The following CSMD3 variants were observed in gnomAD, a reference collection of about 807,000 sequenced individuals.
CSMD3 encodes the protein CUB and Sushi multiple domains 3.
CSMD3 carries 177 observed loss-of-function variants against 435.2 expected under a neutral mutation model. That is an observed-to-expected ratio of 0.41 (90% confidence interval 0.36 to 0.46). The LOEUF is 0.46. Among genes scored for constraint, CSMD3 ranks in the 20% least tolerant of loss-of-function variants. CSMD3 has a pLI of 0.34. For missense variants in CSMD3, 4,265 were observed against 4,504.6 expected (o/e 0.95, Z 1.52); for synonymous variants, 1,656 against 1,520.5 (o/e 1.09, Z -2.07).
intron 3 of CSMD3, among the ~76,000 whole-genome samples, chr8:113,201,997 C>G (rs983406093): frequency 2.6e-5 from 4 of 151,956 alleles, no homozygotes; most frequent in Non-Finnish European, 4.4e-5. Flanking sequence ...TGTTCTGTTA[C>G]TAAAACAGAG....
chr8:113,150,261 T>C (rs2091776026), intron 4 of CSMD3, among the ~76,000 whole-genome samples: 1 of 151,982 alleles, frequency 6.6e-6, no homozygotes, highest in Non-Finnish European at 1.5e-5. Context: ...GTAATTATGG[T>C]TCCTAGTCAA....
chr8:113,397,297 A>G (rs1254976517), intron 1 of CSMD3, among the ~76,000 whole-genome samples: 1 of 151,978 alleles, frequency 6.6e-6, no homozygotes, highest in Non-Finnish European at 1.5e-5. Context: ...TTATGTAAAC[A>G]TTTACGTTTC....
At chr8:112,281,081 G>T (rs1818579932) in intron 59 of CSMD3, 93 bp downstream of exon 59, 4 of 958,492 alleles carry the variant, frequency 4.2e-6, no homozygotes, top group South Asian at 2.8e-5. Flanking sequence ...AACCTTACAT[G>T]GTTTTATTAA....
At chr8:112,823,849 T>C (rs2079598375) in intron 12 of CSMD3, among the ~76,000 whole-genome samples, 1 of 152,098 alleles carries the variant, frequency 6.6e-6, no homozygotes, top group African/African-American at 2.4e-5. Context: ...ACTTGATCCA[T>C]AGATCAATTC....
chr8:112,921,839 C>A (rs1047857843), intron 9 of CSMD3, 88 bp from the exon 10 acceptor site: 1 of 975,726 alleles, frequency 1.0e-6, no homozygotes, highest in South Asian at 1.3e-5. Context: ...TCCAATAGGT[C>A]AAATATGTAC....
At chr8:112,551,953 T>C (rs902300931) in intron 26 of CSMD3, among the ~76,000 whole-genome samples, 3 of 152,132 alleles carry the variant, frequency 2.0e-5, no homozygotes, top group African/African-American at 4.8e-5. Flanking sequence ...GAGCCTGTGA[T>C]AGCTTTGGAA....
chr8:112,290,850 T>C lies in CSMD3; in HGVS notation c.8974+660A>G, dbSNP rs138848628. Among the ~76,000 whole-genome samples, 8 of 152,158 alleles carry C rather than the reference T, an allele frequency of 5.3e-5. No homozygotes were observed. The East Asian group carries it at 1.5e-3, about 29-fold the overall frequency. Reference sequence around the variant, plus strand: ...CTATCAATTGACTGAATTGCTAGAATTTATGTTCACTCCTCTATGCCTTCA... The same window carrying C: ...CTATCAATTGACTGAATTGCTAGAACTTATGTTCACTCCTCTATGCCTTCA... On this transcript the variant is annotated intron_variant, in intron 56 of 70. Transcript: ENST00000297405.
chr8:112,781,068 G>C (rs974538640), intron 13 of CSMD3, among the ~76,000 whole-genome samples: 9 of 42,532 alleles, frequency 2.1e-4, no homozygotes, highest in African/African-American at 1.2e-3. Flanking sequence ...TTGAGGAAAG[G>C]AGAGGATAGA....
intron 2 of CSMD3, among the ~76,000 whole-genome samples, chr8:113,285,461 G>A (rs1348689779): frequency 1.3e-5 from 2 of 151,938 alleles, no homozygotes; most frequent in African/African-American, 2.4e-5. Flanking sequence ...GGGTTTCACC[G>A]TGTTAGCCAG....
chr8:112,718,730 T>A (rs2076790648), intron 13 of CSMD3, among the ~76,000 whole-genome samples: 1 of 152,044 alleles, frequency 6.6e-6, no homozygotes, highest in East Asian at 1.9e-4. Flanking sequence ...TAGAAAATCA[T>A]TTCTGTTTGC....
At chr8:113,353,839 T>C (rs1275031150) in intron 1 of CSMD3, among the ~76,000 whole-genome samples, 1 of 152,164 alleles carries the variant, frequency 6.6e-6, no homozygotes, top group African/African-American at 2.4e-5. Context: ...AAAAAATCAC[T>C]GGCTGAAGTG....
intron 1 of CSMD3, among the ~76,000 whole-genome samples, chr8:113,343,206 T>G (rs1280927226): frequency 6.6e-6 from 1 of 151,724 alleles, no homozygotes; most frequent in Non-Finnish European, 1.5e-5. Context: ...TATTTAAGAG[T>G]TTTATCCATT....
chr8:112,975,943 C>T lies in CSMD3; in HGVS notation c.1236G>A (p.Lys412=), dbSNP rs2084830330. The change falls in exon 7 of 71, where the codon AAG becomes AAA. Residue 412 remains lysine, a synonymous_variant. Coordinates refer to ENST00000297405, the MANE Select transcript of CSMD3 (RefSeq NM_198123.2). The stretch of plus-strand genomic sequence containing the variant: ...CTGCTGGATGAGGAGAGAGCCCGTC[C>T]TTGGACGTGTTGGGGTCCAGACCTG... ...RNSGLDPNTS[K]DGLSPHPADT... 6.2e-7 allele frequency: 1 copy of T among 1,614,044 alleles called. No homozygotes were observed. Among genetic ancestry groups the T allele is most frequent in the South Asian group, 1.1e-5 (1 of 91,086 alleles).
intron 35 of CSMD3, among the ~76,000 whole-genome samples, chr8:112,392,082 A>C (rs2129752781): frequency 6.6e-6 from 1 of 152,290 alleles, no homozygotes; most frequent in South Asian, 2.1e-4. Flanking sequence ...AATGTACATA[A>C]GAAACAAGCA....
chr8:112,301,595 T>A (rs1820925147), intron 53 of CSMD3, among the ~76,000 whole-genome samples, 198 bp downstream of exon 53: 1 of 152,170 alleles, frequency 6.6e-6, no homozygotes, highest in African/African-American at 2.4e-5. Context: ...TCCTTAGATT[T>A]CACTAGGAAT....
At chr8:112,459,733 T>C (rs1586395970) in intron 32 of CSMD3, among the ~76,000 whole-genome samples, 1 of 152,158 alleles carries the variant, frequency 6.6e-6, no homozygotes, top group Non-Finnish European at 1.5e-5. Flanking sequence ...ATTTGTTGAA[T>C]TGATTTAACA....
chr8:112,957,363 T>G (rs1303702472), intron 7 of CSMD3, among the ~76,000 whole-genome samples: 1 of 152,202 alleles, frequency 6.6e-6, no homozygotes. Context: ...TTAAGGAAAA[T>G]GTTTACACAG....
At chr8:112,806,889 T>G (rs2079101233) in intron 12 of CSMD3, among the ~76,000 whole-genome samples, 1 of 152,212 alleles carries the variant, frequency 6.6e-6, no homozygotes, top group African/African-American at 2.4e-5. Context: ...GCCGTTTGTT[T>G]AAATAATTCC....
rs1312309723 is a variant in CSMD3 at position 112,380,283 on chromosome 8, A to G, written c.6136+69T>C. ...AAGTTGCTATAATATGTACATATCA[A>G]CAAAAATATTTTTAATTAATATAAA... On this transcript the variant is annotated intron_variant, in intron 38 of 70. Transcript: ENST00000297405. 8.1e-6 allele frequency: 7 copies of G among 867,460 alleles called. No individual in the cohort carries two copies. The South Asian group carries it at 1.0e-4, about 12-fold the overall frequency. The allele number at this position is 867,460 out of a possible 1,614,324, so 53.7% of individuals were successfully genotyped here. A position where few individuals can be genotyped will look rare whatever the true frequency, so the allele number is the denominator to read the frequency against.
Sources: allele counts gnomAD v4.1 joint callset (sites outside exome capture counted in the v4.1 genomes callset), GRCh38; gene constraint gnomAD v4.1.1; transcripts MANE v1.5; gene names NCBI Gene and HGNC (gene_info 2026-07-23, HGNC 2026-07-21).